Variants in FSIP2 observed in about 807,000 individuals in gnomAD.
FSIP2 encodes the protein fibrous sheath interacting protein 2, also known as fibrous sheath-interacting protein 2.
FSIP2 carries 367 observed loss-of-function variants against 510.5 expected under a neutral mutation model. That is an observed-to-expected ratio of 0.72 (90% CI 0.66 to 0.78). FSIP2 has a LOEUF of 0.78. Ranked by LOEUF, FSIP2 falls within the 30% of genes least tolerant of loss-of-function variation. The probability of loss-of-function intolerance (pLI) is 0.00; values close to 1 mark genes in which losing one functional copy is unlikely to be tolerated. For missense variants in FSIP2, 7,594 were observed against 7,901.7 expected (o/e 0.96, Z 1.48); for synonymous variants, 2,601 against 2,732.2 (o/e 0.95, Z 1.50).
chr2:185,804,611 A>G lies in FSIP2; in HGVS notation c.15305A>G (p.Asp5102Gly). The G allele has an allele frequency of 6.5e-7, 1 of 1,533,366 alleles. No individual in the cohort carries two copies. Among genetic ancestry groups the G allele is most frequent in the East Asian group, 2.4e-5 (1 of 40,824 alleles). 95.0% of individuals were successfully genotyped at this position (1,533,366 alleles called of 1,614,324 possible). Residue 5102 changes from aspartate (D) to glycine (G), a missense_variant, in exon 17 of 23, where the codon GAT becomes GGT. By Grantham distance (94) the Asp-to-Gly change is moderately conservative. Transcript: ENST00000424728. ...IRNVLNIITK[D>G]SHALPPYITV... is the part of the protein sequence containing the mutation. ...AATGTGCTTAACATAATCACAAAGG[A>G]TAGCCATGCCTTGCCACCATATATT...
intron 19 of FSIP2, among the ~76,000 whole-genome samples, chr2:185,820,039 T>C (rs574983763): frequency 2.0e-5 from 3 of 151,996 alleles, no homozygotes; most frequent in East Asian, 2.0e-4. Context: ...CTAAACAAAA[T>C]TGGGAAATAG....
rs1693230039 is a variant in FSIP2 at position 185,794,852 on chromosome 2, C to A, written c.7716C>A (p.Asp2572Glu). 6.5e-7 allele frequency: 1 copy of A among 1,532,102 alleles called. No individual in the cohort carries two copies. The highest frequency in any genetic ancestry group is 1.2e-5 in the South Asian group (1 of 83,712). The allele number at this position is 1,532,102 out of a possible 1,614,324, so 94.9% of individuals were successfully genotyped here. Residue 2572 changes from aspartate (D) to glutamate (E), a missense_variant, in exon 16 of 23, where the codon GAC becomes GAA. Coordinates refer to ENST00000424728, the MANE Select transcript of FSIP2 (RefSeq NM_173651.4). ...NKSRTEVEIS[D>E]HNDSLLMKPL... ...GTAGGACAGAAGTTGAAATATCTGA[C>A]CACAATGATTCCTTACTAATGAAAC...
At chr2:185,746,408 G>C (rs1692035013) in intron 5 of FSIP2, among the ~76,000 whole-genome samples, 3 of 151,802 alleles carry the variant, frequency 2.0e-5, no homozygotes, top group Admixed American at 2.0e-4. Flanking sequence ...GAGTAACTTT[G>C]CTCTGCTTTT....
Position 185,739,415 on chromosome 2 carries a change from C to CT in FSIP2, c.170dup (p.Pro58AlafsTer17). 1 of 1,535,196 alleles carries CT rather than the reference C, an allele frequency of 6.5e-7. No homozygotes were observed. The highest frequency in any genetic ancestry group is 8.7e-7 in the Non-Finnish European group (1 of 1,146,426). On this transcript the variant is annotated frameshift_variant, in exon 2 of 23. Coordinates refer to ENST00000424728, the MANE Select transcript of FSIP2 (RefSeq NM_173651.4). LOFTEE classifies it high-confidence loss of function. ...ACTGGACCTACCTCTCGGGGTCAAGCTGCCTGTGATCCCAGGAAGCAATGC... is the reference window on the plus strand; with the variant it reads ...ACTGGACCTACCTCTCGGGGTCAAGCTTGCCTGTGATCCCAGGAAGCAATGC...
At chr2:185,738,800 G>C (rs1403133550), upstream of FSIP2, 1 of 1,535,884 alleles carries the variant, frequency 6.5e-7, no homozygotes, top group Non-Finnish European at 8.7e-7. Context: ...GTTGGGCTCT[G>C]GCCATTCCTG....
At chr2:185,767,296 T>C (rs1692507867) in intron 13 of FSIP2, among the ~76,000 whole-genome samples, 1 of 150,164 alleles carries the variant, frequency 6.7e-6, no homozygotes, top group Non-Finnish European at 1.5e-5. Context: ...TGTGCACATG[T>C]ACCCTAAAAC....
At chr2:185,765,540 A>G (rs910044055) in intron 13 of FSIP2, 9 of 152,042 alleles carry the variant, frequency 5.9e-5, no homozygotes, top group Non-Finnish European at 1.0e-4. Flanking sequence ...TGTTTTGGTT[A>G]CTGTAGCCTT....
chr2:185,762,280 G>T (rs1692368437), intron 11 of FSIP2, among the ~76,000 whole-genome samples: 1 of 151,142 alleles, frequency 6.6e-6, no homozygotes, highest in Non-Finnish European at 1.5e-5. Flanking sequence ...AGATAAAGAC[G>T]CTGGCATAGT....
At position 185,803,153 on chromosome 2, in the gene FSIP2, G is replaced by A. The variant is rs1268898287; in HGVS notation, c.13847G>A (p.Ser4616Asn). ...GAGAGAAGGCAGTTATTTTATACCA[G>A]TGTTTACTCTTCAACATTCTTGGAA... ...DDERRQLFYT[S>N]VYSSTFLEDV... is the part of the protein sequence containing the mutation. Residue 4616 changes from serine to asparagine, a missense_variant, in exon 17 of 23, where the codon AGT (serine) becomes AAT (asparagine). Ser to Asn is a conservative substitution (Grantham distance 46, BLOSUM62 1). Coordinates refer to ENST00000424728, the MANE Select transcript of FSIP2 (RefSeq NM_173651.4). 6.5e-7 allele frequency: 1 copy of A among 1,531,424 alleles called. No homozygotes were observed. Among genetic ancestry groups the A allele is most frequent in the African/African-American group, 1.4e-5 (1 of 72,840 alleles). The allele number at this position is 1,531,424 out of a possible 1,614,324, so 94.9% of individuals were successfully genotyped here. A position where few individuals can be genotyped will look rare whatever the true frequency, so the allele number is the denominator to read the frequency against.
rs552165698 is a variant in FSIP2, at chr2:185,782,785, A to T, written c.1469+23A>T. The T allele has an allele frequency of 2.8e-5, 34 of 1,205,354 alleles. No homozygotes were observed. In the South Asian group the frequency reaches 4.3e-4, roughly 15 times the overall value. 74.7% of individuals were successfully genotyped at this position (1,205,354 alleles called of 1,614,324 possible). On this transcript the variant is annotated intron_variant, in intron 14 of 22. Coordinates refer to ENST00000424728, the MANE Select transcript of FSIP2 (RefSeq NM_173651.4). ...TATGTAAGTACCTAAGGAATTATAT[A>T]TAATCATAACTAATTTTAATGATTA...
rs1315176651 is a variant in FSIP2, at chr2:185,786,299, T to A, written c.1506+11T>A. 2.0e-6 allele frequency: 3 copies of A among 1,510,370 alleles called. No individual in the cohort carries two copies. 93.6% of individuals were successfully genotyped at this position (1,510,370 alleles called of 1,614,324 possible). ...TGCTTGCAAGAAAAAGTATGTATCA[T>A]AAAATCCACCGAGAAAGCAACATAT... On this transcript the variant is annotated intron_variant, in intron 15 of 22. Coordinates refer to ENST00000424728, the MANE Select transcript of FSIP2 (RefSeq NM_173651.4).
At chr2:185,746,204 G>T (rs1357381504) in intron 5 of FSIP2, among the ~76,000 whole-genome samples, 1 of 151,976 alleles carries the variant, frequency 6.6e-6, no homozygotes, top group Non-Finnish European at 1.5e-5. Flanking sequence ...CAGAGATCCA[G>T]ACTACAGATG....
rs953106809 is a variant in FSIP2, at chr2:185,831,277, T to C, written c.20518-536T>C. Among the ~76,000 whole-genome samples, 12 of 151,936 alleles carry C rather than the reference T, an allele frequency of 7.9e-5. 1 individual carries two copies. Among genetic ancestry groups the C allele is most frequent in the Middle Eastern group, 6.8e-3 (2 of 294 alleles). On this transcript the variant is annotated intron_variant, in intron 21 of 22. Transcript: ENST00000424728. ...GCTATTTTATGCTTCTCTGGGACAA[T>C]TGCTGCTCTTGCATTCAAAATTGAT...
Position 185,805,323 on chromosome 2 carries a change from T to G in FSIP2, c.16017T>G (p.Ser5339=). 6.3e-7 allele frequency: 1 copy of G among 1,598,246 alleles called. No homozygotes were observed. Among genetic ancestry groups the G allele is most frequent in the Non-Finnish European group, 8.5e-7 (1 of 1,174,570 alleles). ...TACCAAATGCTGAAAAAATGTTTTC[T>G]TTTCCACCAATTGATAAAGAGACAG... The part of the protein sequence containing the change: ...KVLPNAEKMF[S]FPPIDKETVD... Residue 5339 remains serine (S), a synonymous_variant, in exon 17 of 23, where the codon TCT becomes TCG. Coordinates refer to ENST00000424728, the MANE Select transcript of FSIP2 (RefSeq NM_173651.4).
At chr2:185,758,891 G>A (rs1398450645) in intron 9 of FSIP2, among the ~76,000 whole-genome samples, 1 of 150,996 alleles carries the variant, frequency 6.6e-6, no homozygotes, top group African/African-American at 2.4e-5. Context: ...TTGAAATTTG[G>A]CGGTTTGAGT....
rs568638707 is a variant in FSIP2, at chr2:185,820,558, C to A, written c.20427-3876C>A. Among the ~76,000 whole-genome samples the A allele has an allele frequency of 1.1e-4, 17 of 151,514 alleles. No homozygotes were observed. The South Asian group carries it at 1.7e-3, about 15-fold the overall frequency. ...AGTTTTCTCAAATGCACATAGCACA[C>A]TCCCCAGGATAAATTATATCTTAGG... is the stretch of plus-strand genomic sequence containing the variant. On this transcript the variant is annotated intron_variant, in intron 19 of 22. Coordinates refer to ENST00000424728, the MANE Select transcript of FSIP2 (RefSeq NM_173651.4).
chr2:185,785,297 A>T (rs1692944922), intron 14 of FSIP2, among the ~76,000 whole-genome samples: 1 of 152,036 alleles, frequency 6.6e-6, no homozygotes, highest in African/African-American at 2.4e-5. Flanking sequence ...AAAAGGTACA[A>T]ATCTAAGGGT....
chr2:185,805,831 G>A lies in FSIP2; in HGVS notation c.16525G>A (p.Gly5509Arg), dbSNP rs781094454. 1 of 1,607,644 alleles carries A rather than the reference G, an allele frequency of 6.2e-7. No homozygotes were observed. Among genetic ancestry groups the A allele is most frequent in the Non-Finnish European group, 8.5e-7 (1 of 1,177,578 alleles). ...AAGCGGCATGATTAACCTAACATCA[G>A]GGTTGGCTACAGGTGTGACAAATAA... ...MKSGMINLTS[G>R]LATGVTNKKE... Residue 5509 changes from glycine (G) to arginine (R), a missense_variant, in exon 17 of 23, where the codon GGG (glycine) becomes AGG (arginine). By Grantham distance (125) the Gly-to-Arg change is moderately radical. Transcript: ENST00000424728.
chr2:185,808,003 C>A lies in FSIP2; in HGVS notation c.18697C>A (p.Pro6233Thr). 1.2e-6 allele frequency: 2 copies of A among 1,610,520 alleles called. No homozygotes were observed. Among genetic ancestry groups the A allele is most frequent in the Non-Finnish European group, 1.7e-6 (2 of 1,177,712 alleles). ...FISKSKIKLV[P>T]PTKESPTVPV... ...CTCCAAAAGTAAGATTAAACTTGTA[C>A]CACCCACCAAGGAATCACCTACTGT... Residue 6233 changes from proline (P) to threonine (T), a missense_variant, in exon 17 of 23, where the codon CCA (proline) becomes ACA (threonine). Physicochemically the swap from Pro to Thr is conservative, Grantham distance 38. Coordinates refer to ENST00000424728, the MANE Select transcript of FSIP2 (RefSeq NM_173651.4).
Sources: gnomAD v4.1 joint callset for allele counts (sites outside exome capture counted in the v4.1 genomes callset) on GRCh38, gnomAD v4.1.1 for gene constraint, MANE v1.5 for transcripts, NCBI Gene and HGNC (gene_info 2026-07-23, HGNC 2026-07-21) for gene names.